TLN2: variants seen among roughly 807,000 people sequenced by gnomAD.
TLN2 encodes the protein talin-2.
A neutral mutation model predicts 294.7 loss-of-function variants in TLN2; 118 were observed. The observed-to-expected ratio is 0.40, with a 90% confidence interval of 0.34 to 0.47. The LOEUF is 0.47. Among genes scored for constraint, TLN2 ranks in the 20% least tolerant of loss-of-function variants. The pLI is 0.84. For synonymous variants in TLN2, 1,431 were observed against 1,304.5 expected (o/e 1.10, Z -2.09); for missense variants, 3,083 against 3,282.2 (o/e 0.94, Z 1.48).
intron 9 of TLN2, among the ~76,000 whole-genome samples, chr15:62,659,361 C>G (rs1472172835): frequency 6.6e-6 from 1 of 152,226 alleles, no homozygotes; most frequent in Non-Finnish European, 1.5e-5. Context: ...GCCCCTTTCA[C>G]TGGTCTCCCA....
intron 1 of TLN2, among the ~76,000 whole-genome samples, chr15:62,450,561 G>A (rs865930997): frequency 0.017 from 2,627 of 150,940 alleles, 59 homozygotes; most frequent in African/African-American, 0.052. Context: ...GTGTGTGTGT[G>A]TGTGTGTGTG....
chr15:62,801,115 G>C (rs2065901746), intron 50 of TLN2, among the ~76,000 whole-genome samples: 1 of 152,212 alleles, frequency 6.6e-6, no homozygotes, highest in African/African-American at 2.4e-5. Context: ...TTAATTCTGT[G>C]AACAGTGCTT....
At chr15:62,542,168 A>T (rs2041728353) in intron 1 of TLN2, among the ~76,000 whole-genome samples, 2 of 151,856 alleles carry the variant, frequency 1.3e-5, no homozygotes, top group Non-Finnish European at 2.9e-5. Flanking sequence ...GTCTTCCCTT[A>T]TTTGAGGGGG....
chr15:62,545,592 A>AG (rs1339631933), intron 1 of TLN2, among the ~76,000 whole-genome samples: 2 of 151,410 alleles, frequency 1.3e-5, no homozygotes, highest in Non-Finnish European at 2.9e-5. Context: ...GCAGGGTTCC[A>AG]GGGACAGCAG....
At chr15:62,589,924 C>A (rs1020785845) in intron 2 of TLN2, among the ~76,000 whole-genome samples, 162 bp downstream of exon 2, 5 of 152,128 alleles carry the variant, frequency 3.3e-5, no homozygotes, top group African/African-American at 1.2e-4. Context: ...CCTAATATTC[C>A]CATTCCTGTC....
At chr15:62,648,545 AT>A (rs749151123) in intron 4 of TLN2, among the ~76,000 whole-genome samples, 129 of 120,644 alleles carry the variant, frequency 1.1e-3, no homozygotes, top group African/African-American at 2.9e-3. Flanking sequence ...GATGATGACG[AT>A]TTTTTTTTTT....
chr15:62,526,861 C>A (rs2040765771), intron 1 of TLN2, among the ~76,000 whole-genome samples: 1 of 152,090 alleles, frequency 6.6e-6, no homozygotes, highest in Non-Finnish European at 1.5e-5. Flanking sequence ...TACAGACAAG[C>A]CATGAATACT....
At chr15:62,723,187 G>C (rs1273876768) in intron 26 of TLN2, among the ~76,000 whole-genome samples, 2 of 152,190 alleles carry the variant, frequency 1.3e-5, no homozygotes, top group Non-Finnish European at 2.9e-5. Context: ...GAAGTTGACT[G>C]AATTCTTAAT....
chr15:62,686,293 G>C (rs1322707474), intron 11 of TLN2, among the ~76,000 whole-genome samples: 13 of 152,152 alleles, frequency 8.5e-5, no homozygotes. Context: ...TCACTGAGTT[G>C]GCCACTGGGA....
intron 50 of TLN2, among the ~76,000 whole-genome samples, chr15:62,805,049 G>A (rs1265663804): frequency 1.3e-5 from 2 of 152,144 alleles, no homozygotes; most frequent in Admixed American, 6.5e-5. Flanking sequence ...TCACCATGGC[G>A]CACTCGACGT....
At chr15:62,503,779 T>G (rs927444359) in intron 1 of TLN2, among the ~76,000 whole-genome samples, 2 of 152,212 alleles carry the variant, frequency 1.3e-5, no homozygotes, top group Admixed American at 1.3e-4. Context: ...CTCCGTTCTG[T>G]GAGCTTGTCA....
chr15:62,817,257 G>C (rs2067187738), intron 52 of TLN2, among the ~76,000 whole-genome samples: 1 of 152,116 alleles, frequency 6.6e-6, no homozygotes, highest in Admixed American at 6.5e-5. Flanking sequence ...AACTGGTCTA[G>C]GAAGCCATCA....
At chr15:62,753,680 G>A (rs1364170345) in intron 35 of TLN2, 93 bp from the exon 36 acceptor site, 3 of 1,454,790 alleles carry the variant, frequency 2.1e-6, no homozygotes, top group Admixed American at 2.3e-5. Context: ...GTGCCTGAGT[G>A]TGACAGCTGC....
At chr15:62,466,471 C>T (rs2037142432) in intron 1 of TLN2, among the ~76,000 whole-genome samples, 1 of 152,184 alleles carries the variant, frequency 6.6e-6, no homozygotes, top group African/African-American at 2.4e-5. Context: ...ACTAGCATCC[C>T]CACCCCCTTT....
intron 9 of TLN2, among the ~76,000 whole-genome samples, chr15:62,671,734 C>G (rs2055454814): frequency 6.6e-6 from 1 of 152,146 alleles, no homozygotes; most frequent in African/African-American, 2.4e-5. Flanking sequence ...ATTATGTCCT[C>G]CTTTTCACCA....
At chr15:62,685,596 C>T (rs188499142) in intron 11 of TLN2, among the ~76,000 whole-genome samples, 11 of 152,294 alleles carry the variant, frequency 7.2e-5, no homozygotes, top group Non-Finnish European at 1.6e-4. Context: ...GCTTTCATCA[C>T]TAGTGACCCG....
chr15:62,430,427 A>G (rs976331044), intron 1 of TLN2, among the ~76,000 whole-genome samples: 63 of 152,354 alleles, frequency 4.1e-4, no homozygotes, highest in African/African-American at 1.4e-3. Flanking sequence ...CTTGGCCTCA[A>G]TTAGAACTTT....
At chr15:62,641,713 A>G (rs570944935) in intron 3 of TLN2, among the ~76,000 whole-genome samples, 2 of 152,312 alleles carry the variant, frequency 1.3e-5, no homozygotes, top group East Asian at 1.9e-4. Context: ...TAGCGATCTT[A>G]TAGGTAGATC....
At chr15:62,677,851 A>T (rs1376827977) in intron 11 of TLN2, among the ~76,000 whole-genome samples, 1 of 106,038 alleles carries the variant, frequency 9.4e-6, no homozygotes, top group Admixed American at 1.5e-4. Context: ...GCTAGAGAGC[A>T]ATGGCACGAT....
Sources: allele counts gnomAD v4.1 joint callset (sites outside exome capture counted in the v4.1 genomes callset), GRCh38; gene constraint gnomAD v4.1.1; transcripts MANE v1.5; gene names NCBI Gene and HGNC (gene_info 2026-07-23, HGNC 2026-07-21).